The following RPS29 variants were observed in gnomAD, a reference collection of about 807,000 sequenced individuals.
RPS29 encodes small ribosomal subunit protein uS14.
For synonymous variants in RPS29, 37 were observed against 26.9 expected (o/e 1.37, Z -1.16); for missense variants, 60 against 75.7 (o/e 0.79, Z 0.77).
At chr14:49,582,012 C>CAAAAAAAAAAAAAA (rs58507206), downstream of RPS29, among the ~76,000 whole-genome samples, 64 of 106,500 alleles carry the variant, frequency 6.0e-4, no homozygotes, top group African/African-American at 2.6e-3. Context: ...CCCTGCCCCC[C>CAAAAAAAAAAAAAA]AAAAAAAAAA....
chr14:49,588,447 C>G (rs1478373059), upstream of RPS29, among the ~76,000 whole-genome samples: 2 of 152,196 alleles, frequency 1.3e-5, no homozygotes, highest in African/African-American at 4.8e-5. Flanking sequence ...TTATCCATTT[C>G]TTTTTCAACA....
chr14:49,598,534 T>C (rs1881891933), exon 1 of RPS29: 3 of 702,304 alleles, frequency 4.3e-6, no homozygotes, highest in Non-Finnish European at 7.8e-6. Context: ...CGCCGGGAAA[T>C]GCGCCCTCGC....
At chr14:49,596,582 A>T (rs1236408456) in intron 1 of RPS29, among the ~76,000 whole-genome samples, 1 of 152,196 alleles carries the variant, frequency 6.6e-6, no homozygotes, top group Non-Finnish European at 1.5e-5. Context: ...ATAGATGTTT[A>T]AAAAAGAGGT....
intron 2 of RPS29, among the ~76,000 whole-genome samples, chr14:49,584,999 G>A (rs1159518326): frequency 2.6e-5 from 4 of 152,156 alleles, no homozygotes; most frequent in Non-Finnish European, 5.9e-5. Context: ...CTAAATGGCA[G>A]ACCATTGTTT....
At chr14:49,585,772 G>T in intron 2 of RPS29, 178 bp downstream of exon 2, 1 of 588,208 alleles carries the variant, frequency 1.7e-6, no homozygotes. Flanking sequence ...CTATTAATTT[G>T]ATTGCCCAAA....
intron 1 of RPS29, chr14:49,592,160 C>A (rs1412116391): frequency 2.0e-5 from 3 of 151,824 alleles, no homozygotes; most frequent in African/African-American, 7.3e-5. Flanking sequence ...TGCCACCATC[C>A]CAGATTCTTA....
At chr14:49,598,259 C>T in intron 1 of RPS29, 1 of 593,640 alleles carries the variant, frequency 1.7e-6, no homozygotes, top group South Asian at 2.0e-5. Context: ...ACATTTGCTC[C>T]CCAGGCGCTT....
chr14:49,598,603 C>T, exon 1 of RPS29: 1 of 701,718 alleles, frequency 1.4e-6, no homozygotes, highest in East Asian at 2.7e-5. Flanking sequence ...CAGAGGCACA[C>T]CTGCCTTCCC....
At chr14:49,578,503 TA>T (rs558563318) in intron 2 of RPS29, among the ~76,000 whole-genome samples, 1 of 148,578 alleles carries the variant, frequency 6.7e-6, no homozygotes, top group African/African-American at 2.5e-5. Flanking sequence ...TCACTTTTTA[TA>T]AAAAAAATTT....
At chr14:49,579,040 A>G (rs1297127663), downstream of RPS29, among the ~76,000 whole-genome samples, 12 of 152,154 alleles carry the variant, frequency 7.9e-5, no homozygotes, top group African/African-American at 2.9e-4. Flanking sequence ...ATTAAAGGAG[A>G]TTCTACAGCC....
intron 1 of RPS29, among the ~76,000 whole-genome samples, chr14:49,591,765 CG>C (rs1881716596): frequency 6.6e-6 from 1 of 151,592 alleles, no homozygotes. Context: ...GGATTACAGG[CG>C]CCCACCACCA....
chr14:49,593,115 C>T (rs536090244), intron 1 of RPS29, among the ~76,000 whole-genome samples: 3 of 152,180 alleles, frequency 2.0e-5, no homozygotes, highest in African/African-American at 7.2e-5. Context: ...TATCCCAACA[C>T]AAGCCGTATT....
intron 1 of RPS29, among the ~76,000 whole-genome samples, chr14:49,596,778 CT>C (rs35726560): frequency 0.034 from 4,573 of 133,798 alleles, 60 homozygotes; most frequent in Middle Eastern, 0.12. Flanking sequence ...GAGATTGAGG[CT>C]TTTTTTTTTT....
exon 3 of RPS29, chr14:49,575,854 A>C (rs575318759): frequency 6.6e-6 from 1 of 152,350 alleles, no homozygotes; most frequent in Admixed American, 6.5e-5. Flanking sequence ...TGTCCAAAAA[A>C]ATTAAAATAA....
At chr14:49,597,356 CG>C (rs1415741841) in intron 1 of RPS29, 11 of 152,212 alleles carry the variant, frequency 7.2e-5, no homozygotes, top group Non-Finnish European at 1.6e-4. Flanking sequence ...CCGCACCTGG[CG>C]GAACATTTCT....
At chr14:49,588,514 ATGTTT>A (rs67736785), upstream of RPS29, among the ~76,000 whole-genome samples, 30,785 of 151,562 alleles carry the variant, frequency 0.2, 3,331 homozygotes, top group Admixed American at 0.28. Flanking sequence ...AAGAGCTTTT[ATGTTT>A]TGTTTTGTTT....
exon 3 of RPS29, chr14:49,574,710 A>C (rs1431611788): frequency 6.6e-6 from 1 of 152,260 alleles, no homozygotes; most frequent in Non-Finnish European, 1.5e-5. Context: ...ATCTGAATTA[A>C]TCAAGGTTTT....
upstream of RPS29, among the ~76,000 whole-genome samples, chr14:49,588,603 C>A (rs1881644106): frequency 6.6e-6 from 1 of 152,042 alleles, no homozygotes. Context: ...TCTTGGCTAA[C>A]TGCAACCTGC....
upstream of RPS29, chr14:49,586,643 T>G (rs1322213662): frequency 1.4e-5 from 6 of 432,274 alleles, no homozygotes; most frequent in Admixed American, 1.0e-4. Flanking sequence ...GGAGGATCGC[T>G]TGAGTCCAGG....
Sources: gnomAD v4.1 joint callset for allele counts (sites outside exome capture counted in the v4.1 genomes callset) on GRCh38, gnomAD v4.1.1 for gene constraint, MANE v1.5 for transcripts, NCBI Gene and HGNC (gene_info 2026-07-23, HGNC 2026-07-21) for gene names.